CASP6: variants seen among roughly 807,000 people sequenced by gnomAD.
CASP6 encodes caspase-6.
CASP6 carries 20 observed loss-of-function variants against 31.8 expected under a neutral mutation model. The observed-to-expected ratio is 0.63, with a 90% CI of 0.44 to 0.91. CASP6 has a LOEUF of 0.91. CASP6 is among the 40% of genes least tolerant of loss of function. The probability of loss-of-function intolerance (pLI) is 0.00; values close to 1 mark genes in which losing one functional copy is unlikely to be tolerated. For missense variants in CASP6, 328 were observed against 361.1 expected (o/e 0.91, Z 0.74); for synonymous variants, 130 against 127.8 (o/e 1.02, Z -0.12).
chr4:109,671,949 T>C, the CASP6 span, among the ~76,000 whole-genome samples: 2 of 152,260 alleles, frequency 1.3e-5, no homozygotes, highest in Admixed American at 1.3e-4. Context: ...TTTTTGTTTC[T>C]CCTGATGTTT....
Position 109,698,307 on chromosome 4 carries a change from A to G in CASP6, c.76T>C (p.Tyr26His), listed in dbSNP as rs749122329. The G allele has an allele frequency of 6.2e-7, 1 of 1,611,002 alleles. No individual in the cohort carries two copies. Among genetic ancestry groups the G allele is most frequent in the Non-Finnish European group, 8.5e-7 (1 of 1,179,202 alleles). Residue 26 changes from tyrosine (Y) to histidine (H), a missense_variant, in exon 2 of 7, where the codon TAT becomes CAT. Tyr to His is a moderately conservative substitution (Grantham distance 83, BLOSUM62 2). Coordinates refer to ENST00000265164, the MANE Select transcript of CASP6 (RefSeq NM_001226.4). ...AAAAGAGCACAGCTTTACCTTTTATAGAAGGCATCTGTTTCTGTCATGTTT... is the reference window on the plus strand; with the variant it reads ...AAAAGAGCACAGCTTTACCTTTTATGGAAGGCATCTGTTTCTGTCATGTTT... The part of the protein sequence containing the change: ...EENMTETDAF[Y>H]KREMFDPAEK...
chr4:109,684,642 G>T (rs201083400), downstream of CASP6: 4 of 1,408,946 alleles, frequency 2.8e-6, no homozygotes, highest in African/African-American at 4.2e-5. Context: ...ATAGTCACTC[G>T]ACAGGTGAGT....
At chr4:109,687,153 A>T (rs1451637867), downstream of CASP6, among the ~76,000 whole-genome samples, 2 of 152,072 alleles carry the variant, frequency 1.3e-5, no homozygotes, top group African/African-American at 4.8e-5. Flanking sequence ...CCAGGAGTTC[A>T]AGACCAGCCA....
the CASP6 span, among the ~76,000 whole-genome samples, chr4:109,670,180 T>C: frequency 6.6e-6 from 1 of 152,180 alleles, no homozygotes; most frequent in Non-Finnish European, 1.5e-5. Flanking sequence ...GGGGAAGTGT[T>C]CTGTAGTCCT....
At chr4:109,683,012 C>T in the CASP6 span, 5 of 296,712 alleles carry the variant, frequency 1.7e-5, no homozygotes, top group South Asian at 5.6e-5. Flanking sequence ...TATGCCATGC[C>T]TCCTCTCCAG....
chr4:109,678,996 C>T, the CASP6 span, among the ~76,000 whole-genome samples: 1 of 149,278 alleles, frequency 6.7e-6, no homozygotes, highest in Admixed American at 6.6e-5. Flanking sequence ...CAGAGACAGT[C>T]CTCACTTCCT....
At chr4:109,706,174 C>CAT (rs1277675493), upstream of CASP6, among the ~76,000 whole-genome samples, 755 of 91,848 alleles carry the variant, frequency 8.2e-3, 33 homozygotes, top group African/African-American at 0.038. Context: ...TATATATACA[C>CAT]ACACACATAT....
chr4:109,703,165 A>T (rs1364085672), intron 1 of CASP6, among the ~76,000 whole-genome samples, 191 bp downstream of exon 1: 1 of 152,098 alleles, frequency 6.6e-6, no homozygotes, highest in African/African-American at 2.4e-5. Context: ...TCTTAGACTG[A>T]AGCGCGAAAC....
the CASP6 span, chr4:109,682,516 G>C: frequency 7.4e-7 from 1 of 1,358,048 alleles, no homozygotes; most frequent in African/African-American, 1.5e-5. Flanking sequence ...ATTGGGGACC[G>C]AAAGATTTAC....
chr4:109,690,534 AAATT>A lies in CASP6; in HGVS notation c.643+312_643+315del, dbSNP rs1238745411. On this transcript the variant is annotated intron_variant, in intron 6 of 6. Transcript: ENST00000265164. ...TGAGACCTTGTCTCAAAAAAAAAAA[AAATT>A]AAAGCTTTCCATGACAATTACCACA... is the stretch of plus-strand genomic sequence containing the variant. 7.9e-5 allele frequency among the ~76,000 whole-genome samples: 12 copies of A among 152,140 alleles called. No homozygotes were observed. In the East Asian group the frequency reaches 1.9e-3, roughly 25 times the overall value.
downstream of CASP6, chr4:109,687,517 TA>T (rs748016871): frequency 4.4e-6 from 7 of 1,608,258 alleles, no homozygotes; most frequent in Non-Finnish European, 4.3e-6. Flanking sequence ...CATGACAGGC[TA>T]AAGAATCCCT....
intron 4 of CASP6, 94 bp from the exon 5 acceptor site, chr4:109,694,794 C>A: frequency 8.3e-7 from 1 of 1,210,032 alleles, no homozygotes; most frequent in Non-Finnish European, 1.1e-6. Context: ...AATAAAGTTA[C>A]ATCCACATGA....
intron 1 of CASP6, among the ~76,000 whole-genome samples, chr4:109,702,397 T>C (rs964421358): frequency 6.7e-6 from 1 of 150,092 alleles, no homozygotes; most frequent in Non-Finnish European, 1.5e-5. Context: ...TGGGGCGATC[T>C]CGGCTCACTG....
At chr4:109,708,760 A>G in the CASP6 span, among the ~76,000 whole-genome samples, 1 of 152,224 alleles carries the variant, frequency 6.6e-6, no homozygotes, top group African/African-American at 2.4e-5. Context: ...TTTTAAAACA[A>G]TATTTTGTCT....
intron 5 of CASP6, among the ~76,000 whole-genome samples, chr4:109,693,731 CA>C (rs778035178): frequency 6.9e-4 from 98 of 142,108 alleles, no homozygotes; most frequent in East Asian, 1.0e-3. Context: ...AATATTCATG[CA>C]AAAAAAAAAA....
At chr4:109,670,676 A>T in the CASP6 span, among the ~76,000 whole-genome samples, 2 of 151,658 alleles carry the variant, frequency 1.3e-5, no homozygotes, top group African/African-American at 4.9e-5. Flanking sequence ...AGATCATGTC[A>T]TTGCACTCCA....
the CASP6 span, among the ~76,000 whole-genome samples, chr4:109,677,437 G>A: frequency 6.6e-6 from 1 of 152,176 alleles, no homozygotes. Flanking sequence ...AATGTATTTT[G>A]TGTGGGAAAA....
intron 5 of CASP6, among the ~76,000 whole-genome samples, chr4:109,693,965 C>G (rs534364087): frequency 6.6e-6 from 1 of 151,988 alleles, no homozygotes; most frequent in Admixed American, 6.6e-5. Context: ...TCTTGAACTC[C>G]TCAGGTGATC....
At chr4:109,708,688 A>AT in the CASP6 span, among the ~76,000 whole-genome samples, 107 of 152,256 alleles carry the variant, frequency 7.0e-4, no homozygotes, top group Admixed American at 1.2e-3. Flanking sequence ...GGAATTTGTC[A>AT]TTTTTTCTCC....
Sources: allele counts gnomAD v4.1 joint callset (sites outside exome capture counted in the v4.1 genomes callset), GRCh38; gene constraint gnomAD v4.1.1; transcripts MANE v1.5; gene names NCBI Gene and HGNC (gene_info 2026-07-23, HGNC 2026-07-21).